PIGQ: variants seen among roughly 807,000 people sequenced by gnomAD.
The protein encoded by PIGQ is phosphatidylinositol N-acetylglucosaminyltransferase subunit Q.
A neutral mutation model predicts 60.3 loss-of-function variants in PIGQ; 54 were observed. That is an observed-to-expected ratio of 0.90 (90% CI 0.72 to 1.12). The LOEUF is 1.12. PIGQ is among the 50% of genes most tolerant of loss of function. PIGQ has a pLI of 0.00. For synonymous variants in PIGQ, 416 were observed against 363.7 expected, an observed-to-expected ratio of 1.14 and a Z score of -1.64; for missense variants, 799 against 793.5, an observed-to-expected ratio of 1.01 and a Z score of -0.08.
intron 8 of PIGQ, chr16:580,490 G>A (rs2035793825): frequency 1.8e-6 from 1 of 552,642 alleles, no homozygotes; most frequent in South Asian, 2.5e-5. Context: ...TGGGTGCGTG[G>A]TGGAAGGACC....
chr16:574,067 C>T lies in PIGQ; in HGVS notation c.-8C>T, dbSNP rs773412150. 5 of 1,588,258 alleles carry T rather than the reference C, an allele frequency of 3.1e-6. No homozygotes were observed. Among genetic ancestry groups the T allele is most frequent in the East Asian group, 2.2e-5 (1 of 44,550 alleles). ...CGAGCCTCTCCTCTTCTCTTCCAGC[C>T]TCCCGGCATGGTGCTCAAGGCCTTC... is the stretch of plus-strand genomic sequence containing the variant. On this transcript the variant is annotated splice_region_variant and 5_prime_UTR_variant, in exon 2 of 11. Coordinates refer to ENST00000321878, the MANE Select transcript of PIGQ (RefSeq NM_004204.5).
intron 4 of PIGQ, among the ~76,000 whole-genome samples, chr16:577,487 G>C (rs1334193779): frequency 6.6e-6 from 1 of 150,692 alleles, no homozygotes; most frequent in South Asian, 2.1e-4. Flanking sequence ...TGAGGCAAGA[G>C]AATGGCGTGA....
Position 569,980 on chromosome 16 carries a change from C to T in PIGQ, c.-126C>T, listed in dbSNP as rs953202898. 2.0e-5 allele frequency: 3 copies of T among 149,136 alleles called. No individual in the cohort carries two copies. Among genetic ancestry groups the T allele is most frequent in the Non-Finnish European group, 3.0e-5 (2 of 66,804 alleles). 9.2% of individuals were successfully genotyped at this position (149,136 alleles called of 1,614,324 possible). ...GCGCGGAGCCGGCGGAAGTGGGGCT[C>T]GGGTCCCGCGGCGGGGCTGGAGGCA... is the stretch of plus-strand genomic sequence containing the variant. On this transcript the variant is annotated 5_prime_UTR_variant, in exon 1 of 11. Coordinates refer to ENST00000321878, the MANE Select transcript of PIGQ (RefSeq NM_004204.5).
intron 7 of PIGQ, chr16:579,776 C>T (rs1260475185): frequency 3.5e-5 from 3 of 85,012 alleles, no homozygotes; most frequent in Admixed American, 1.1e-4. Flanking sequence ...AGAGGTGCCC[C>T]GGGCCCGGAG....
intron 9 of PIGQ, 96 bp downstream of exon 9, chr16:581,068 C>T (rs1218524857): frequency 2.2e-6 from 3 of 1,339,370 alleles, no homozygotes; most frequent in Non-Finnish European, 3.2e-6. Flanking sequence ...GCCACTGTGC[C>T]TCCAGCCTGG....
chr16:581,092 C>T, intron 9 of PIGQ, 120 bp downstream of exon 9: 2 of 1,353,180 alleles, frequency 1.5e-6, no homozygotes, highest in Non-Finnish European at 2.1e-6. Flanking sequence ...CCGTGGTATG[C>T]ATGCGCAAGC....
chr16:583,587 C>G lies in PIGQ; in HGVS notation c.*552C>G. 6.2e-7 allele frequency: 1 copy of G among 1,612,820 alleles called. No individual in the cohort carries two copies. Among genetic ancestry groups the G allele is most frequent in the East Asian group, 2.2e-5 (1 of 44,880 alleles). On this transcript the variant is annotated 3_prime_UTR_variant, in exon 11 of 11. Coordinates refer to ENST00000321878, the MANE Select transcript of PIGQ (RefSeq NM_004204.5). ...CGGGCCCGGGCCCTCACTCCCTGAACCACACGGGGTTTATTTGCGGATGTT... is the reference window on the plus strand; with the variant it reads ...CGGGCCCGGGCCCTCACTCCCTGAAGCACACGGGGTTTATTTGCGGATGTT...
Position 583,440 on chromosome 16 carries a change from G to T in PIGQ, c.*405G>T. The T allele has an allele frequency of 1.9e-6, 3 of 1,612,726 alleles. No homozygotes were observed. The highest frequency in any genetic ancestry group is 2.5e-6 in the Non-Finnish European group (3 of 1,179,942). Reference sequence around the variant, plus strand: ...GGGGCTCCCCAGTGGCTCTGCCCTGGCTGTGGGGGTGGAGGGACCTTGCCA... The same window carrying T: ...GGGGCTCCCCAGTGGCTCTGCCCTGTCTGTGGGGGTGGAGGGACCTTGCCA... On this transcript the variant is annotated 3_prime_UTR_variant, in exon 11 of 11. Transcript: ENST00000321878.
chr16:574,479 G>T lies in PIGQ; in HGVS notation c.405G>T (p.Gln135His), dbSNP rs753084420. 2 of 1,610,324 alleles carry T rather than the reference G, an allele frequency of 1.2e-6. No individual in the cohort carries two copies. Among genetic ancestry groups the T allele is most frequent in the African/African-American group, 2.7e-5 (2 of 75,028 alleles). The change falls in exon 2 of 11, where the codon CAG becomes CAT. Residue 135 changes from glutamine (Q) to histidine (H), a missense_variant. By Grantham distance (24) the Gln-to-His change is conservative. Transcript: ENST00000321878. ...QVMLIFYDQR[Q>H]VLLSQLHLPT... ...TGCTCATCTTCTATGACCAGCGCCA[G>T]GTGTTGCTGTCACAGCTACACCTGC...
chr16:583,744 CCCG>C lies in PIGQ; in HGVS notation c.*710_*712del, dbSNP rs772117888. On this transcript the variant is annotated 3_prime_UTR_variant, in exon 11 of 11. Coordinates refer to ENST00000321878, the MANE Select transcript of PIGQ (RefSeq NM_004204.5). ...AGCCGTACCTATTCGTCCACGGTGCCCCGTAGCAGCAGGTCCTGCGGCCAAATC... is the reference window on the plus strand; with the variant it reads ...AGCCGTACCTATTCGTCCACGGTGCCTAGCAGCAGGTCCTGCGGCCAAATC... 3 of 1,292,718 alleles carry C rather than the reference CCCG, an allele frequency of 2.3e-6. No homozygotes were observed. The highest frequency in any genetic ancestry group is 3.3e-6 in the Non-Finnish European group (3 of 903,544). The allele number at this position is 1,292,718 out of a possible 1,614,324, so 80.1% of individuals were successfully genotyped here.
chr16:576,680 CT>C (rs1326517396), intron 4 of PIGQ: 9 of 434,936 alleles, frequency 2.1e-5, no homozygotes, highest in Middle Eastern at 5.8e-4. Context: ...TGCCCTGCCC[CT>C]GTGCTGATTC....
intron 1 of PIGQ, among the ~76,000 whole-genome samples, chr16:572,776 C>T (rs975485018): frequency 2.6e-5 from 4 of 152,120 alleles, no homozygotes; most frequent in African/African-American, 9.7e-5. Context: ...GCTCTGTTCC[C>T]TCGTCCCTAA....
intron 8 of PIGQ, 33 bp from the exon 9 acceptor site, chr16:580,825 G>T (rs763352076): frequency 1.0e-6 from 1 of 986,738 alleles, no homozygotes; most frequent in Non-Finnish European, 1.6e-6. Flanking sequence ...GGCGCGTCTG[G>T]CCGGGCCGGT....
chr16:576,137 G>T lies in PIGQ; in HGVS notation c.825G>T (p.Lys275Asn). The change falls in exon 4 of 11, where the codon AAG (lysine) becomes AAT (asparagine). Residue 275 changes from lysine (K) to asparagine (N), a missense_variant. Transcript: ENST00000321878. ...CCGGGCCGGACCTCCCTTCCAGGAA[G>T]GCCAACACGGTGGCCTCTGTGCTGC... ...KAENPAQLMR[K>N]ANTVASVLLD... is the part of the protein sequence containing the mutation. 1 of 1,548,300 alleles carries T rather than the reference G, an allele frequency of 6.5e-7. No homozygotes were observed. The highest frequency in any genetic ancestry group is 8.7e-7 in the Non-Finnish European group (1 of 1,146,776).
At position 583,882 on chromosome 16, in the gene PIGQ, C is replaced by G. The variant is rs1185784079; in HGVS notation, c.*847C>G. On this transcript the variant is annotated 3_prime_UTR_variant, in exon 11 of 11. Coordinates refer to ENST00000321878, the MANE Select transcript of PIGQ (RefSeq NM_004204.5). ...GGGGAGGGGGCCGTGGCACTGAGGC[C>G]GAAAGTGCCTGCCAGACGGCACGGT... The G allele has an allele frequency of 1.7e-6, 1 of 574,788 alleles. No individual in the cohort carries two copies. Among genetic ancestry groups the G allele is most frequent in the Non-Finnish European group, 3.2e-6 (1 of 316,524 alleles). 35.6% of individuals were successfully genotyped at this position (574,788 alleles called of 1,614,324 possible).
In PIGQ at chr16:583,026, G is replaced by A. The variant is rs202126491; in HGVS notation, c.1737G>A (p.Lys579=). 5.6e-6 allele frequency: 9 copies of A among 1,613,026 alleles called. No homozygotes were observed. The highest frequency in any genetic ancestry group is 7.6e-6 in the Non-Finnish European group (9 of 1,179,998). Residue 579 remains lysine, a synonymous_variant, in exon 11 of 11, where the codon AAG becomes AAA. Transcript: ENST00000321878. The part of the protein sequence containing the change: ...LIYPWRQRGD[K]QD ...ACCCCTGGAGGCAGAGAGGGGACAA[G>A]CAGGACTGAGGGAACTGCTGGCTCG...
At position 578,492 on chromosome 16, in the gene PIGQ, C is replaced by T. The variant is rs991133274; in HGVS notation, c.1056C>T (p.Ile352=). 2 of 1,612,454 alleles carry T rather than the reference C, an allele frequency of 1.2e-6. No homozygotes were observed. The highest frequency in any genetic ancestry group is 1.7e-6 in the Non-Finnish European group (2 of 1,179,838). The stretch of plus-strand genomic sequence containing the variant: ...TGGGCCGCTTCTTCCTCTACCACAT[C>T]CACCTGTGGATCAGTGAGTGCAGGG... ...QVLGRFFLYH[I]HLWISYIHLM... is the part of the protein sequence containing the mutation. The change falls in exon 5 of 11, where the codon ATC becomes ATT. Residue 352 remains isoleucine (I), a synonymous_variant. Coordinates refer to ENST00000321878, the MANE Select transcript of PIGQ (RefSeq NM_004204.5).
At chr16:581,167 G>C in intron 9 of PIGQ, 195 bp downstream of exon 9, 1 of 1,454,868 alleles carries the variant, frequency 6.9e-7, no homozygotes, top group South Asian at 1.4e-5. Flanking sequence ...CAGGGAGGTG[G>C]AGAGAGACTC....
chr16:575,691 A>G (rs1042060437), intron 2 of PIGQ, 148 bp from the exon 3 acceptor site: 7 of 784,150 alleles, frequency 8.9e-6, no homozygotes, highest in Non-Finnish European at 1.4e-5. Context: ...GCCTACCACC[A>G]CCTGGGCCAC....
Sources: gnomAD v4.1 joint callset for allele counts (sites outside exome capture counted in the v4.1 genomes callset) on GRCh38, gnomAD v4.1.1 for gene constraint, MANE v1.5 for transcripts, NCBI Gene and HGNC (gene_info 2026-07-23, HGNC 2026-07-21) for gene names.